Variants in TEX264 observed in about 807,000 individuals in gnomAD.
TEX264 encodes testis-expressed protein 264.
In TEX264, 13 loss-of-function variants were observed where a neutral mutation model predicts 23.4. That is an observed-to-expected ratio of 0.56 (90% CI 0.36 to 0.88). TEX264 has a LOEUF of 0.88. Ranked by LOEUF, TEX264 falls within the 40% of genes least tolerant of loss-of-function variation. The pLI, the probability that TEX264 is intolerant of heterozygous loss-of-function variation, is 0.01. For missense variants in TEX264, 340 were observed against 406.8 expected (o/e 0.84, Z 1.41); for synonymous variants, 159 against 170.0 (o/e 0.94, Z 0.50).
At chr3:51,680,218 C>T (rs1024434946) in intron 2 of TEX264, among the ~76,000 whole-genome samples, 1 of 152,216 alleles carries the variant, frequency 6.6e-6, no homozygotes, top group African/African-American at 2.4e-5. Context: ...TTTGTATTAA[C>T]CCTGAACCCA....
intron 2 of TEX264, among the ~76,000 whole-genome samples, chr3:51,679,271 A>G (rs1702340810): frequency 6.6e-6 from 1 of 152,144 alleles, no homozygotes; most frequent in East Asian, 1.9e-4. Flanking sequence ...TGATAATGAT[A>G]TGGCCCAATA....
rs1409687056 is a variant in TEX264 at position 51,686,139 on chromosome 3, G to A, written c.480+1505G>A. Among the ~76,000 whole-genome samples, 1 of 152,196 alleles carries A rather than the reference G, an allele frequency of 6.6e-6. No individual in the cohort carries two copies. Among genetic ancestry groups the A allele is most frequent in the Non-Finnish European group, 1.5e-5 (1 of 68,024 alleles). On this transcript the variant is annotated intron_variant, in intron 3 of 4. Transcript: ENST00000341333. The surrounding 1 kb of genome is among the most constrained non-coding windows in gnomAD (Gnocchi z 4.1). ...ATGGTATGTGTGGCCTGGAGTTGAGGAAAGGCTGGGCTGGTGGATATATTT... is the reference window on the plus strand; with the variant it reads ...ATGGTATGTGTGGCCTGGAGTTGAGAAAAGGCTGGGCTGGTGGATATATTT...
chr3:51,673,200 A>T (rs1354188678), intron 1 of TEX264, among the ~76,000 whole-genome samples: 2 of 152,180 alleles, frequency 1.3e-5, no homozygotes, highest in African/African-American at 4.8e-5. Flanking sequence ...GTTAAATATT[A>T]CTTTTAAATA....
At chr3:51,671,745 A>AGGC (rs1221617072) in intron 1 of TEX264, 2 of 152,756 alleles carry the variant, frequency 1.3e-5, no homozygotes, top group East Asian at 3.9e-4. Flanking sequence ...CGAAAGTGGG[A>AGGC]GGCGGCGGCC....
chr3:51,693,882 T>C (rs1007525194), intron 3 of TEX264, among the ~76,000 whole-genome samples: 2 of 152,198 alleles, frequency 1.3e-5, no homozygotes, highest in African/African-American at 4.8e-5. Flanking sequence ...CATTGATTCT[T>C]TTTGGGTTTT....
At chr3:51,687,404 G>A (rs1702661820) in intron 3 of TEX264, among the ~76,000 whole-genome samples, 1 of 152,214 alleles carries the variant, frequency 6.6e-6, no homozygotes, top group African/African-American at 2.4e-5. Flanking sequence ...CAGCCCAGGA[G>A]ACAGCAAGGA....
At chr3:51,690,388 T>C (rs1378069298) in intron 3 of TEX264, among the ~76,000 whole-genome samples, 1 of 152,018 alleles carries the variant, frequency 6.6e-6, no homozygotes, top group East Asian at 1.9e-4. Flanking sequence ...AAAAATCAGC[T>C]GGGCTTGGTG....
chr3:51,687,912 T>C (rs2106959419), intron 3 of TEX264, among the ~76,000 whole-genome samples: 1 of 152,346 alleles, frequency 6.6e-6, no homozygotes, highest in Non-Finnish European at 1.5e-5. Context: ...AAGGGATGGC[T>C]GATCTCAGCT....
chr3:51,674,148 C>G (rs111705654), intron 1 of TEX264, 123 bp from the exon 2 acceptor site: 2 of 962,722 alleles, frequency 2.1e-6, no homozygotes, highest in Admixed American at 2.6e-5. Flanking sequence ...CTGGCCCCTC[C>G]CCTTTCTGGG....
At chr3:51,689,995 G>A (rs1161993145) in intron 3 of TEX264, among the ~76,000 whole-genome samples, 2 of 152,208 alleles carry the variant, frequency 1.3e-5, no homozygotes, top group Non-Finnish European at 2.9e-5. Context: ...CAGCCAGCTT[G>A]GAACTAAGGC....
At chr3:51,679,085 C>T (rs768597040) in intron 2 of TEX264, among the ~76,000 whole-genome samples, 2 of 152,110 alleles carry the variant, frequency 1.3e-5, no homozygotes, top group Non-Finnish European at 2.9e-5. Flanking sequence ...TGAGGTGAGA[C>T]GAGGTGTGAG....
chr3:51,701,491 G>C (rs1703302664), intron 4 of TEX264, among the ~76,000 whole-genome samples: 1 of 151,840 alleles, frequency 6.6e-6, no homozygotes, highest in African/African-American at 2.4e-5. Flanking sequence ...TGCTTGGCTA[G>C]TTTTTGTATT....
chr3:51,675,778 G>C (rs1702207698), intron 2 of TEX264, among the ~76,000 whole-genome samples: 1 of 152,196 alleles, frequency 6.6e-6, no homozygotes, highest in Non-Finnish European at 1.5e-5. Flanking sequence ...AGAAAACTGT[G>C]ACAGCAAGAG....
At chr3:51,700,013 G>A (rs559948173) in intron 4 of TEX264, among the ~76,000 whole-genome samples, 164 of 152,212 alleles carry the variant, frequency 1.1e-3, no homozygotes, top group African/African-American at 3.5e-3. Flanking sequence ...CCCTCAGTAC[G>A]GGCCCCACCC....
At position 51,674,534 on chromosome 3, in the gene TEX264, TCG is replaced by T; in HGVS notation, c.232_233del (p.Ala78CysfsTer4). The T allele has an allele frequency of 6.2e-7, 1 of 1,614,148 alleles. No individual in the cohort carries two copies. Among genetic ancestry groups the T allele is most frequent in the Non-Finnish European group, 8.5e-7 (1 of 1,180,038 alleles). On this transcript the variant is annotated frameshift_variant, in exon 2 of 5. Coordinates refer to ENST00000341333, the MANE Select transcript of TEX264 (RefSeq NM_015926.6). LOFTEE classifies it high-confidence loss of function. ...AGCATCTCTCCCAAGCTCCGCTCCA[TCG>T]CTGTCTACTATGACAACCCCCACAT...
intron 3 of TEX264, among the ~76,000 whole-genome samples, chr3:51,694,128 CTTCCTTCCTTCCTTCT>C (rs1702963938): frequency 1.4e-5 from 2 of 144,884 alleles, no homozygotes; most frequent in African/African-American, 2.6e-5. Context: ...TCCTTCCTTC[CTTCCTTCCTTCCTTCT>C]TTCCTTCTTT....
In TEX264 at chr3:51,686,459, A is replaced by G. The variant is rs1037953120; in HGVS notation, c.480+1825A>G. 6.6e-6 allele frequency among the ~76,000 whole-genome samples: 1 copy of G among 152,208 alleles called. No individual in the cohort carries two copies. The highest frequency in any genetic ancestry group is 1.5e-5 in the Non-Finnish European group (1 of 68,042). On this transcript the variant is annotated intron_variant, in intron 3 of 4. Coordinates refer to ENST00000341333, the MANE Select transcript of TEX264 (RefSeq NM_015926.6). This position sits in a 1 kb window ranked among gnomAD's most constrained non-coding sequence, Gnocchi z 4.1. ...AGTCTGGTGTTGGGGCTGAGGAATG[A>G]ATAAATGAGGCCCTGGGTCACCAGC...
At position 51,674,333 on chromosome 3, in the gene TEX264, T is replaced by C. The variant is rs147968046; in HGVS notation, c.29T>C (p.Ile10Thr). The change falls in exon 2 of 5, where the codon ATT becomes ACT. Residue 10 changes from isoleucine (I) to threonine (T), a missense_variant. By Grantham distance (89) the Ile-to-Thr change is moderately conservative. Transcript: ENST00000341333. The stretch of plus-strand genomic sequence containing the variant: ...TCGGACCTGCTACTACTGGGCCTGA[T>C]TGGGGGCCTGACTCTCTTACTGCTG... MSDLLLLGL[I>T]GGLTLLLLLT... The C allele has an allele frequency of 3.2e-4, 514 of 1,614,200 alleles. 1 individual carries two copies. Among genetic ancestry groups the C allele is most frequent in the Non-Finnish European group, 4.1e-4 (489 of 1,180,030 alleles).
intron 2 of TEX264, among the ~76,000 whole-genome samples, chr3:51,680,163 G>C (rs1444825840): frequency 6.6e-6 from 1 of 152,230 alleles, no homozygotes; most frequent in East Asian, 1.9e-4. Context: ...AGATGGTGCT[G>C]CTGTCCCTGT....
Sources: gnomAD v4.1 joint callset for allele counts (sites outside exome capture counted in the v4.1 genomes callset) on GRCh38, gnomAD v4.1.1 for gene constraint, Gnocchi (gnomAD v3.1) non-coding constraint, MANE v1.5 for transcripts, NCBI Gene and HGNC (gene_info 2026-07-23, HGNC 2026-07-21) for gene names.